Variants in C2orf66 observed in about 807,000 individuals in gnomAD.
The protein encoded by C2orf66 is uncharacterized protein C2orf66.
In C2orf66, 6 loss-of-function variants were observed where a neutral mutation model predicts 7.0. The observed-to-expected ratio is 0.86, with a 90% CI of 0.47 to 1.69. C2orf66 has a LOEUF of 1.69. Ranked by LOEUF, C2orf66 falls within the 40% of genes most tolerant of loss-of-function variation. The pLI is 0.01. For missense variants in C2orf66, 107 were observed against 112.0 expected (o/e 0.96, Z 0.20); for synonymous variants, 38 against 43.8 (o/e 0.87, Z 0.52).
the C2orf66 span, among the ~76,000 whole-genome samples, chr2:196,830,343 T>C: frequency 4.6e-5 from 7 of 152,174 alleles, no homozygotes; most frequent in Admixed American, 1.3e-4. Flanking sequence ...TCCTACTAAG[T>C]TGAGAAACTA....
At chr2:196,812,725 T>A (rs771196756), upstream of C2orf66, among the ~76,000 whole-genome samples, 12 of 152,202 alleles carry the variant, frequency 7.9e-5, no homozygotes, top group Non-Finnish European at 1.3e-4. Flanking sequence ...GATAAGCAAC[T>A]TCAGCAAAGT....
At position 196,807,528 on chromosome 2, in the gene C2orf66, A is replaced by G. The variant is rs1260566345; in HGVS notation, c.218T>C (p.Leu73Pro). 6.2e-7 allele frequency: 1 copy of G among 1,613,660 alleles called. No homozygotes were observed. Among genetic ancestry groups the G allele is most frequent in the Non-Finnish European group, 8.5e-7 (1 of 1,179,634 alleles). ...PFPTNENPRP[L>P]SFQSELTASA... ...AGCAGTAAGTTCTGACTGGAAAGAG[A>G]GAGGTCTAGGATTTTCATTCGTGGG... Residue 73 changes from leucine to proline, a missense_variant, in exon 2 of 3, where the codon CTC becomes CCC. By Grantham distance (98) the Leu-to-Pro change is moderately conservative. Transcript: ENST00000342506.
rs1392168415 is a variant in C2orf66, at chr2:196,809,321, G to C, written c.16C>G (p.Leu6Val). 1 of 1,614,138 alleles carries C rather than the reference G, an allele frequency of 6.2e-7. No homozygotes were observed. Among genetic ancestry groups the C allele is most frequent in the Non-Finnish European group, 8.5e-7 (1 of 1,179,990 alleles). MTRAPLLLLCVALVLL... is the reference protein window; with the variant it reads MTRAPVLLLCVALVLL... ...ACCAGGGCAACACATAGTAGCAGGAGAGGTGCTCTGGTCATGGTGGAGTGA... is the reference window on the plus strand; with the variant it reads ...ACCAGGGCAACACATAGTAGCAGGACAGGTGCTCTGGTCATGGTGGAGTGA... Residue 6 changes from leucine (L) to valine (V), a missense_variant, in exon 1 of 3, where the codon CTC (leucine) becomes GTC (valine). Physicochemically the swap from Leu to Val is conservative, Grantham distance 32 (BLOSUM62 1). Transcript: ENST00000342506.
chr2:196,810,406 T>C (rs1416441483), upstream of C2orf66: 1 of 152,248 alleles, frequency 6.6e-6, no homozygotes, highest in African/African-American at 2.4e-5. Flanking sequence ...CTTGTACTTT[T>C]TTCTGAGAAC....
the C2orf66 span, among the ~76,000 whole-genome samples, chr2:196,829,645 C>T: frequency 6.6e-6 from 1 of 151,404 alleles, no homozygotes; most frequent in Non-Finnish European, 1.5e-5. Context: ...CACCTGTAAT[C>T]CCAGCACTTT....
chr2:196,823,784 T>C, the C2orf66 span, among the ~76,000 whole-genome samples: 2 of 152,214 alleles, frequency 1.3e-5, no homozygotes, highest in Non-Finnish European at 2.9e-5. Flanking sequence ...GAGAACCTAC[T>C]ATGTGTCAGG....
At chr2:196,819,594 G>A in the C2orf66 span, among the ~76,000 whole-genome samples, 1 of 152,174 alleles carries the variant, frequency 6.6e-6, no homozygotes, top group African/African-American at 2.4e-5. Flanking sequence ...CAGGATGACT[G>A]CATTTGTTTC....
chr2:196,814,140 C>G (rs1699901974), upstream of C2orf66, among the ~76,000 whole-genome samples: 3 of 152,184 alleles, frequency 2.0e-5, no homozygotes, highest in African/African-American at 7.2e-5. Flanking sequence ...TATTGCAGCA[C>G]TATTCACAAT....
At chr2:196,823,531 A>C in the C2orf66 span, among the ~76,000 whole-genome samples, 6 of 152,184 alleles carry the variant, frequency 3.9e-5, no homozygotes, top group African/African-American at 1.4e-4. Context: ...GGGCTGAGGC[A>C]GGAGGATCAC....
upstream of C2orf66, chr2:196,809,505 A>C: frequency 1.1e-6 from 1 of 942,412 alleles, no homozygotes; most frequent in Non-Finnish European, 1.6e-6. Context: ...TTCCAGATTG[A>C]CTTCTAAATG....
At chr2:196,821,209 G>A in the C2orf66 span, among the ~76,000 whole-genome samples, 3 of 152,236 alleles carry the variant, frequency 2.0e-5, no homozygotes, top group Non-Finnish European at 2.9e-5. Context: ...AGGGTGTCCA[G>A]AGGTGGCATG....
chr2:196,813,458 C>T (rs746441614), upstream of C2orf66, among the ~76,000 whole-genome samples: 22 of 152,142 alleles, frequency 1.4e-4, no homozygotes, highest in Non-Finnish European at 2.6e-4. Context: ...AACGTAAGAC[C>T]TAAAACTATA....
At position 196,806,493 on chromosome 2, in the gene C2orf66, G is replaced by A. The variant is rs540451873; in HGVS notation, c.*19+931C>T. On this transcript the variant is annotated intron_variant, in intron 2 of 2. Transcript: ENST00000342506. ...ATTACAGGTGTGAGCCACTGCGCCC[G>A]GCCAATCATGCTTGTTCTTTTTAAA... is the stretch of plus-strand genomic sequence containing the variant. Among the ~76,000 whole-genome samples, 23 of 151,450 alleles carry A rather than the reference G, an allele frequency of 1.5e-4. 1 individual carries two copies. The South Asian group carries it at 4.2e-3, about 28-fold the overall frequency.
the C2orf66 span, among the ~76,000 whole-genome samples, chr2:196,830,396 G>T: frequency 6.6e-6 from 1 of 152,196 alleles, no homozygotes; most frequent in Non-Finnish European, 1.5e-5. Flanking sequence ...CAAACCCAAA[G>T]AATGGACTTA....
rs1361326209 is a variant in C2orf66 at position 196,804,840 on chromosome 2, G to T, written c.*588C>A. 2.6e-5 allele frequency among the ~76,000 whole-genome samples: 4 copies of T among 152,316 alleles called. No homozygotes were observed. The highest frequency in any genetic ancestry group is 9.6e-5 in the African/African-American group (4 of 41,566). The stretch of plus-strand genomic sequence containing the variant: ...TGACAACTTCTAGAATCCCATGTTT[G>T]TTGTTGTTGTTTGCTTCCATTTTAA... On this transcript the variant is annotated 3_prime_UTR_variant, in exon 3 of 3. Coordinates refer to ENST00000342506, the MANE Select transcript of C2orf66 (RefSeq NM_213608.3).
chr2:196,811,549 G>T (rs1013087542), upstream of C2orf66, among the ~76,000 whole-genome samples: 1 of 152,148 alleles, frequency 6.6e-6, no homozygotes, highest in Non-Finnish European at 1.5e-5. Flanking sequence ...TGCTAGGTCC[G>T]TGGGTTATGC....
chr2:196,815,863 T>C, the C2orf66 span, among the ~76,000 whole-genome samples: 1,169 of 152,314 alleles, frequency 7.7e-3, 5 homozygotes, highest in African/African-American at 0.024. Flanking sequence ...GTATCATGAA[T>C]GAGGACATAA....
the C2orf66 span, among the ~76,000 whole-genome samples, chr2:196,826,143 T>C: frequency 1.3e-5 from 2 of 152,268 alleles, no homozygotes; most frequent in East Asian, 1.9e-4. Context: ...TCATTAGGAA[T>C]TGAAAATTAT....
the C2orf66 span, among the ~76,000 whole-genome samples, chr2:196,826,149 AT>A: frequency 6.6e-6 from 1 of 152,188 alleles, no homozygotes; most frequent in Admixed American, 6.5e-5. Flanking sequence ...GGAATTGAAA[AT>A]TATAATTTAA....
Sources: gnomAD v4.1 joint callset for allele counts (sites outside exome capture counted in the v4.1 genomes callset) on GRCh38, gnomAD v4.1.1 for gene constraint, MANE v1.5 for transcripts, NCBI Gene and HGNC (gene_info 2026-07-23, HGNC 2026-07-21) for gene names.